COL5A3: variants seen among roughly 807,000 people sequenced by gnomAD.
COL5A3 encodes collagen type V alpha 3 chain, also known as collagen alpha-3(V) chain.
A neutral mutation model predicts 250.0 loss-of-function variants in COL5A3; 172 were observed. The observed-to-expected ratio is 0.69, with a 90% CI of 0.61 to 0.78. The LOEUF is 0.78. Among genes scored for constraint, COL5A3 ranks in the 30% least tolerant of loss-of-function variants. The pLI is 0.00. For synonymous variants in COL5A3, 937 were observed against 900.4 expected (o/e 1.04, Z -0.73); for missense variants, 2,340 against 2,334.4 (o/e 1.00, Z -0.05).
chr19:9,977,499 G>T, intron 42 of COL5A3, 27 bp from the exon 43 acceptor site: 1 of 1,501,574 alleles, frequency 6.7e-7, no homozygotes, highest in Non-Finnish European at 8.9e-7. Flanking sequence ...AAAGGGGGAT[G>T]TCAGGGCAGG....
rs1599545497 is a variant in COL5A3 at position 9,979,293 on chromosome 19, G to A, written c.2767-54C>T. 23 of 1,601,838 alleles carry A rather than the reference G, an allele frequency of 1.4e-5. 1 individual carries two copies. In the East Asian group the frequency reaches 5.1e-4, roughly 36 times the overall value. Reference sequence around the variant, plus strand: ...GGGGGTGGCCTAGGGGAGTCGCTCAGGAGTCCAGCTTTCCCCTAAATATCC... The same window carrying A: ...GGGGGTGGCCTAGGGGAGTCGCTCAAGAGTCCAGCTTTCCCCTAAATATCC... On this transcript the variant is annotated intron_variant, in intron 38 of 66. Transcript: ENST00000264828.
chr19:9,976,990 T>A (rs1227591282), intron 44 of COL5A3, among the ~76,000 whole-genome samples: 1 of 152,132 alleles, frequency 6.6e-6, no homozygotes, highest in African/African-American at 2.4e-5. Context: ...CGCACCCCAG[T>A]GCCTTTCCAG....
rs199872693 is a variant in COL5A3, at chr19:10,005,732, C to T, written c.438-18G>A. On this transcript the variant is annotated intron_variant, in intron 3 of 66. Transcript: ENST00000264828. ...GGTGCCACCTGCAAGGGGACGGCCT[C>T]AGTGCGGGTGCTTCTCACCCCACCC... 6.2e-7 allele frequency: 1 copy of T among 1,601,718 alleles called. No individual in the cohort carries two copies. The highest frequency in any genetic ancestry group is 1.3e-5 in the African/African-American group (1 of 74,878).
intron 50 of COL5A3, 90 bp from the exon 51 acceptor site, chr19:9,973,116 G>A: frequency 1.6e-6 from 2 of 1,227,286 alleles, no homozygotes; most frequent in South Asian, 3.0e-5. Context: ...GGGGTGGTCT[G>A]GGACTTTTCT....
chr19:9,979,651 G>A (rs971109160), intron 37 of COL5A3, among the ~76,000 whole-genome samples, 188 bp downstream of exon 37: 6 of 152,052 alleles, frequency 3.9e-5, no homozygotes, highest in African/African-American at 9.7e-5. Context: ...TTAGCCGGGC[G>A]TGGTGGCACG....
rs201072786 is a variant in COL5A3 at position 9,960,878 on chromosome 19, C to A, written c.4864G>T (p.Asp1622Tyr). 2 of 1,605,480 alleles carry A rather than the reference C, an allele frequency of 1.2e-6. No homozygotes were observed. The highest frequency in any genetic ancestry group is 1.7e-6 in the Non-Finnish European group (2 of 1,179,982). ...ACATTCACTGGGGACCCGTCGGCGTCCACGTAGGAGAACTGGTGAGAGGAG... is the reference window on the plus strand; with the variant it reads ...ACATTCACTGGGGACCCGTCGGCGTACACGTAGGAGAACTGGTGAGAGGAG... ...FRRGKKFSYVDADGSPVNVVQ... is the reference protein window; with the variant it reads ...FRRGKKFSYVYADGSPVNVVQ... The change falls in exon 66 of 67, where the codon GAC becomes TAC. Residue 1622 changes from aspartate (D) to tyrosine (Y), a missense_variant. Physicochemically the swap from Asp to Tyr is radical, Grantham distance 160 (BLOSUM62 -3). Transcript: ENST00000264828.
At chr19:9,989,287 C>T (rs764649730) in intron 26 of COL5A3, 35 bp downstream of exon 26, 5 of 1,613,780 alleles carry the variant, frequency 3.1e-6, no homozygotes, top group Admixed American at 1.7e-5. Context: ...TCCCGACCCT[C>T]GTCCCCAACC....
chr19:10,005,866 C>A lies in COL5A3; in HGVS notation c.367G>T (p.Gly123Trp), dbSNP rs1299192642. Residue 123 changes from glycine to tryptophan, a missense_variant, in exon 3 of 67, where the codon GGG becomes TGG. Transcript: ENST00000264828. The part of the protein sequence containing the change: ...RGARQLGLAL[G>W]PALGLLGDPF... ...TCACCTAGGAGACCCAGCGCTGGCC[C>A]CAGTGCCAGGCCCAACTGCCGGGCA... 6.2e-7 allele frequency: 1 copy of A among 1,613,810 alleles called. No individual in the cohort carries two copies. Among genetic ancestry groups the A allele is most frequent in the South Asian group, 1.1e-5 (1 of 91,074 alleles).
chr19:9,998,671 CTTCTTCTTTTTCT>C (rs2087307606), intron 8 of COL5A3, among the ~76,000 whole-genome samples: 2 of 151,010 alleles, frequency 1.3e-5, no homozygotes, highest in African/African-American at 4.9e-5. Flanking sequence ...TCTTTCTTTC[CTTCTTCTTTTTCT>C]TTCTTCTTTT....
Position 9,966,706 on chromosome 19 carries a change from C to T in COL5A3, c.4499G>A (p.Arg1500His), listed in dbSNP as rs1320447713. The change falls in exon 63 of 67, where the codon CGC (arginine) becomes CAC (histidine). Residue 1500 changes from arginine to histidine, a missense_variant. Transcript: ENST00000264828. ...AELHGLRRRR[R>H]FVPVPLPVVE... ...GACTGGAAGCGGGACTGGGACGAAG[C>T]GCCGGCGCCTGCGCAGCCCATGCAG... The T allele has an allele frequency of 2.0e-6, 3 of 1,537,584 alleles. No individual in the cohort carries two copies. Among genetic ancestry groups the T allele is most frequent in the Non-Finnish European group, 2.6e-6 (3 of 1,147,434 alleles).
intron 6 of COL5A3, 76 bp from the exon 7 acceptor site, chr19:10,001,957 C>T (rs2087370280): frequency 5.0e-6 from 5 of 1,007,576 alleles, no homozygotes; most frequent in Non-Finnish European, 7.6e-6. Flanking sequence ...CTCCCACTGT[C>T]CCCAGGAGCT....
chr19:9,988,625 G>A (rs2087134059), intron 27 of COL5A3, among the ~76,000 whole-genome samples: 1 of 151,968 alleles, frequency 6.6e-6, no homozygotes, highest in African/African-American at 2.4e-5. Flanking sequence ...GAGGTCAGGA[G>A]TTCGAGACCA....
intron 64 of COL5A3, among the ~76,000 whole-genome samples, chr19:9,964,781 T>G (rs1422079936): frequency 7.0e-6 from 1 of 143,762 alleles, no homozygotes; most frequent in Non-Finnish European, 1.5e-5. Flanking sequence ...TCCCAGCACT[T>G]TGGGAGGCCA....
At chr19:9,994,577 T>C (rs2087243000) in intron 16 of COL5A3, among the ~76,000 whole-genome samples, 1 of 76,378 alleles carries the variant, frequency 1.3e-5, no homozygotes, top group Non-Finnish European at 2.4e-5. Flanking sequence ...TATATATATA[T>C]ATATATATAT....
Position 10,010,404 on chromosome 19 carries a change from C to A in COL5A3, c.-19G>T. ...TCCCCATCCCGGCGGGGCCCACGGG[C>A]AAGGCGGGGAACCAGTCGGGGCGGC... On this transcript the variant is annotated 5_prime_UTR_variant, in exon 1 of 67. Coordinates refer to ENST00000264828, the MANE Select transcript of COL5A3 (RefSeq NM_015719.4). The A allele has an allele frequency of 7.1e-7, 1 of 1,404,078 alleles. No homozygotes were observed. The highest frequency in any genetic ancestry group is 1.6e-5 in the South Asian group (1 of 62,010). The allele number at this position is 1,404,078 out of a possible 1,614,324, so 87.0% of individuals were successfully genotyped here.
rs1287466435 is a variant in COL5A3, at chr19:9,980,629, C to T, written c.2604+19G>A. ...ACACACACACACATTCACACACACA[C>T]ACACACACACACACTCACCTTTTCT... On this transcript the variant is annotated intron_variant, in intron 35 of 66. Coordinates refer to ENST00000264828, the MANE Select transcript of COL5A3 (RefSeq NM_015719.4). The T allele has an allele frequency of 1.9e-6, 3 of 1,611,468 alleles. No individual in the cohort carries two copies. The African/African-American group carries it at 4.0e-5, about 22-fold the overall frequency.
chr19:9,983,791 G>T (rs1477657413), intron 31 of COL5A3, among the ~76,000 whole-genome samples: 2 of 151,126 alleles, frequency 1.3e-5, no homozygotes, highest in Non-Finnish European at 2.9e-5. Context: ...GAGGAAGGAA[G>T]GAAGGAGAAT....
In COL5A3 at chr19:9,979,157, C is replaced by T; in HGVS notation, c.2849G>A (p.Gly950Asp). ...PGPPGEQGLP[G>D]LEGREGAKGE... is the part of the protein sequence containing the mutation. Reference sequence around the variant, plus strand: ...CTTGGCCCCCTCTCTGCCTTCCAGGCCAGGAAGACCTTGTTCACCAGGAGG... The same window carrying T: ...CTTGGCCCCCTCTCTGCCTTCCAGGTCAGGAAGACCTTGTTCACCAGGAGG... The change falls in exon 39 of 67, where the codon GGC becomes GAC. Residue 950 changes from glycine (G) to aspartate (D), a missense_variant. This residue lies in a region of COL5A3 where 1,179 missense variants were observed against 1,162.6 expected (regional missense o/e 1.01). Transcript: ENST00000264828. 6.3e-7 allele frequency: 1 copy of T among 1,595,464 alleles called. No homozygotes were observed. Among genetic ancestry groups the T allele is most frequent in the Non-Finnish European group, 8.5e-7 (1 of 1,174,734 alleles).
chr19:10,007,713 GT>G (rs1214377986), intron 1 of COL5A3, among the ~76,000 whole-genome samples: 3 of 152,188 alleles, frequency 2.0e-5, no homozygotes, highest in Non-Finnish European at 4.4e-5. Flanking sequence ...GGGCTAAGAC[GT>G]TGGGGAGGCA....
Sources: gnomAD v4.1 joint callset for allele counts (sites outside exome capture counted in the v4.1 genomes callset) on GRCh38, gnomAD v4.1.1 for gene constraint, gnomAD v4.1.1 regional missense constraint, MANE v1.5 for transcripts, NCBI Gene and HGNC (gene_info 2026-07-23, HGNC 2026-07-21) for gene names.